The following ZNF273 variants were observed in gnomAD, a reference collection of about 807,000 sequenced individuals.
The protein encoded by ZNF273 is zinc finger protein 273, also known as zinc finger protein 9.
ZNF273 carries 11 observed loss-of-function variants against 14.9 expected under a neutral mutation model. The observed-to-expected ratio is 0.74, with a 90% confidence interval of 0.46 to 1.22. The LOEUF (loss-of-function observed/expected upper bound fraction) is 1.22. Among genes scored for constraint, ZNF273 ranks in the 50% most tolerant of loss-of-function variants. ZNF273 has a pLI of 0.00. For synonymous variants in ZNF273, 199 were observed against 223.9 expected (o/e 0.89, Z 0.99); for missense variants, 577 against 660.6 (o/e 0.87, Z 1.39).
At chr7:64,898,348 C>CATTG (rs1792486068), upstream of ZNF273, among the ~76,000 whole-genome samples, 1 of 152,162 alleles carries the variant, frequency 6.6e-6, no homozygotes, top group Admixed American at 6.5e-5. Context: ...TTAATGATGA[C>CATTG]AGTGAAGAAC....
downstream of ZNF273, among the ~76,000 whole-genome samples, chr7:64,890,447 G>A (rs958383962): frequency 6.6e-6 from 1 of 152,050 alleles, no homozygotes; most frequent in Non-Finnish European, 1.5e-5. Flanking sequence ...GGGCACTGGG[G>A]CCAGATTGCC....
chr7:64,881,143 A>G (rs73703204), downstream of ZNF273, among the ~76,000 whole-genome samples: 4,999 of 152,250 alleles, frequency 0.033, 274 homozygotes, highest in African/African-American at 0.11. Context: ...GAGGATTCCA[A>G]CCTGCCAGGG....
At chr7:64,897,983 T>A (rs1037756105) in exon 4 of ZNF273, 2 of 152,150 alleles carry the variant, frequency 1.3e-5, no homozygotes, top group African/African-American at 2.4e-5. Context: ...CGCCTCGGCC[T>A]CCCAAAGTGC....
At position 64,894,973 on chromosome 7, in the gene ZNF273, C is replaced by CA. The variant is rs34032021; in HGVS notation, n.488+1090dup. Among the ~76,000 whole-genome samples, 688 of 144,364 alleles carry CA rather than the reference C, an allele frequency of 4.8e-3. 1 individual carries two copies. Among genetic ancestry groups the CA allele is most frequent in the African/African-American group, 7.4e-3 (292 of 39,518 alleles). The allele number at this position is 144,364 out of a possible 152,430, so 94.7% of individuals were successfully genotyped here. A position where few individuals can be genotyped will look rare whatever the true frequency, so the allele number is the denominator to read the frequency against. Reference sequence around the variant, plus strand: ...TGAAACCCCGTCTCTACTAAAAATACAAAAAAAAAAAAAATTAGCTGGGCA... The same window carrying CA: ...TGAAACCCCGTCTCTACTAAAAATACAAAAAAAAAAAAAAATTAGCTGGGCA... On this transcript the variant is annotated intron_variant and non_coding_transcript_variant, in intron 3 of 7. Transcript: ENST00000527278.
At chr7:64,922,942 G>C (rs1480162959) in intron 3 of ZNF273, among the ~76,000 whole-genome samples, 2 of 151,798 alleles carry the variant, frequency 1.3e-5, no homozygotes, top group Non-Finnish European at 2.9e-5. Flanking sequence ...CTCCAGCCTA[G>C]GTGGAAGAGC....
chr7:64,887,378 A>G (rs1791654793), intron 1 of ZNF273, among the ~76,000 whole-genome samples: 1 of 151,990 alleles, frequency 6.6e-6, no homozygotes, highest in Non-Finnish European at 1.5e-5. Flanking sequence ...CCCTCCTTCC[A>G]TGTGGCCCTG....
chr7:64,902,596 G>T (rs1209593867), upstream of ZNF273, among the ~76,000 whole-genome samples: 1 of 152,200 alleles, frequency 6.6e-6, no homozygotes, highest in Non-Finnish European at 1.5e-5. Flanking sequence ...CAGCTACTCT[G>T]GAGGCTGAGG....
At chr7:64,900,670 G>A (rs1263755972), upstream of ZNF273, among the ~76,000 whole-genome samples, 1 of 152,180 alleles carries the variant, frequency 6.6e-6, no homozygotes, top group African/African-American at 2.4e-5. Context: ...AAATTAGGGT[G>A]GGGGCGGCCA....
chr7:64,899,330 G>A (rs1792544081), upstream of ZNF273, among the ~76,000 whole-genome samples: 1 of 152,192 alleles, frequency 6.6e-6, no homozygotes, highest in Non-Finnish European at 1.5e-5. Flanking sequence ...GTTAATCTAA[G>A]AGAAACTATC....
At chr7:64,880,428 C>T (rs1315150089), downstream of ZNF273, among the ~76,000 whole-genome samples, 4 of 152,074 alleles carry the variant, frequency 2.6e-5, no homozygotes, top group Non-Finnish European at 5.9e-5. Flanking sequence ...AGCAGAACCG[C>T]GCTGCCTCAG....
chr7:64,880,340 G>C (rs951825534), downstream of ZNF273: 2 of 152,168 alleles, frequency 1.3e-5, no homozygotes, highest in African/African-American at 2.4e-5. Flanking sequence ...CTCCTTGAAA[G>C]TTGCACTTCT....
intron 1 of ZNF273, among the ~76,000 whole-genome samples, chr7:64,904,158 G>C (rs989528653): frequency 5.9e-5 from 9 of 152,002 alleles, no homozygotes; most frequent in Non-Finnish European, 1.3e-4. Context: ...CAGCCATCTC[G>C]GCTCACTGCA....
rs138186086 is a variant in ZNF273 at position 64,928,335 on chromosome 7, A to G, written c.1007A>G (p.His336Arg). The change falls in exon 4 of 4, where the codon CAT (histidine) becomes CGT (arginine). Residue 336 changes from histidine (H) to arginine (R), a missense_variant. Transcript: ENST00000476120. ...GFSIFSTLTKHKIIHTGEKPY... is the reference protein window; with the variant it reads ...GFSIFSTLTKRKIIHTGEKPY... ...AGTATATTCTCAACCCTTACTAAAC[A>G]TAAGATAATTCATACTGGAGAGAAA... 2 of 1,613,720 alleles carry G rather than the reference A, an allele frequency of 1.2e-6. No individual in the cohort carries two copies. The highest frequency in any genetic ancestry group is 2.2e-5 in the East Asian group (1 of 44,852).
rs913747488 is a variant in ZNF273, at chr7:64,929,654, A to G, written c.*616A>G. The G allele has an allele frequency of 2.0e-5, 3 of 152,276 alleles. No homozygotes were observed. The highest frequency in any genetic ancestry group is 7.2e-5 in the African/African-American group (3 of 41,472). The allele number at this position is 152,276 out of a possible 1,614,324, so 9.4% of individuals were successfully genotyped here. ...CTAAGATACTGACACTTCAGACATTACACAAAATCAGAGTGCTGAGTACAG... is the reference window on the plus strand; with the variant it reads ...CTAAGATACTGACACTTCAGACATTGCACAAAATCAGAGTGCTGAGTACAG... On this transcript the variant is annotated 3_prime_UTR_variant, in exon 4 of 4. Transcript: ENST00000476120.
chr7:64,932,020 T>A (rs1795000458), downstream of ZNF273, among the ~76,000 whole-genome samples: 2 of 152,200 alleles, frequency 1.3e-5, no homozygotes, highest in African/African-American at 4.8e-5. Flanking sequence ...GCTACAGTTT[T>A]CTTGCTGTTG....
chr7:64,889,783 C>A (rs1791859589), downstream of ZNF273: 14 of 984,822 alleles, frequency 1.4e-5, no homozygotes, highest in Non-Finnish European at 1.7e-5. The surrounding 1 kb of genome is among the most constrained non-coding windows in gnomAD (Gnocchi z 4.2). Context: ...GAGCCCAAGC[C>A]CCTGCACTTG....
Position 64,903,279 on chromosome 7 carries a change from C to T in ZNF273, c.-39C>T, listed in dbSNP as rs745801710. 3.6e-5 allele frequency: 55 copies of T among 1,538,388 alleles called. 1 individual carries two copies. The highest frequency in any genetic ancestry group is 6.7e-5 in the South Asian group (6 of 89,084). On this transcript the variant is annotated 5_prime_UTR_variant, in exon 1 of 4. Coordinates refer to ENST00000476120, the MANE Select transcript of ZNF273 (RefSeq NM_021148.3). Reference sequence around the variant, plus strand: ...GGGATTTGGCGGGGCCTTTGTCTCTCGCTGCAGTCGCAGCTCCAGGTCTCG... The same window carrying T: ...GGGATTTGGCGGGGCCTTTGTCTCTTGCTGCAGTCGCAGCTCCAGGTCTCG...
At chr7:64,889,110 A>G, downstream of ZNF273, 3 of 985,918 alleles carry the variant, frequency 3.0e-6, no homozygotes, top group Non-Finnish European at 3.6e-6. The surrounding 1 kb of genome is among the most constrained non-coding windows in gnomAD (Gnocchi z 4.2). Flanking sequence ...GGGCTCCGGG[A>G]GCCAAGCAGG....
At chr7:64,908,272 G>A (rs1019991828) in intron 1 of ZNF273, among the ~76,000 whole-genome samples, 17 of 152,156 alleles carry the variant, frequency 1.1e-4, no homozygotes, top group African/African-American at 2.9e-4. Context: ...TATTTGGTTC[G>A]TGGTACACGT....
Sources: gnomAD v4.1 joint callset for allele counts (sites outside exome capture counted in the v4.1 genomes callset) on GRCh38, gnomAD v4.1.1 for gene constraint, Gnocchi (gnomAD v3.1) non-coding constraint, MANE v1.5 for transcripts, NCBI Gene and HGNC (gene_info 2026-07-23, HGNC 2026-07-21) for gene names.